The following SNX11 variants were observed in gnomAD, a reference collection of about 807,000 sequenced individuals.
The protein encoded by SNX11 is sorting nexin 11.
In SNX11, 19 loss-of-function variants were observed where a neutral mutation model predicts 30.7. The ratio of observed to expected loss-of-function variants is 0.62; its 90% confidence interval spans 0.43 to 0.91. The LOEUF (loss-of-function observed/expected upper bound fraction) is 0.91, where lower values mean the gene tolerates loss of function less well. Among genes scored for constraint, SNX11 ranks in the 40% least tolerant of loss-of-function variants. SNX11 has a pLI of 0.00. For missense variants in SNX11, 302 were observed against 326.7 expected (o/e 0.92, Z 0.58); for synonymous variants, 112 against 119.0 (o/e 0.94, Z 0.38).
rs199560203 is a variant in SNX11, at chr17:48,112,538, T to A, written c.43-36T>A. ...CTGTGTTGTCAGAGCTGCCTTGCTG[T>A]GTAGCTGAAGCTGAGGGAGCTTTTC... On this transcript the variant is annotated intron_variant, in intron 2 of 6. Coordinates refer to ENST00000359238, the MANE Select transcript of SNX11 (RefSeq NM_013323.3). 2.8e-6 allele frequency: 4 copies of A among 1,433,634 alleles called. No homozygotes were observed. In the African/African-American group the frequency reaches 5.6e-5, roughly 20 times the overall value. The allele number at this position is 1,433,634 out of a possible 1,614,324, so 88.8% of individuals were successfully genotyped here.
At chr17:48,114,742 G>C (rs2063527530) in intron 4 of SNX11, among the ~76,000 whole-genome samples, 1 of 136,848 alleles carries the variant, frequency 7.3e-6, no homozygotes, top group African/African-American at 2.8e-5. Context: ...GGAGTGCAGT[G>C]ACACCCTCCA....
intron 6 of SNX11, among the ~76,000 whole-genome samples, chr17:48,120,201 G>GTTTTTTT (rs61680588): frequency 5.4e-5 from 4 of 74,238 alleles, no homozygotes; most frequent in Non-Finnish European, 9.5e-5. Context: ...GCATTTATCT[G>GTTTTTTT]TTTTTTTTTT....
intron 4 of SNX11, among the ~76,000 whole-genome samples, chr17:48,115,634 A>C (rs1298024247): frequency 6.6e-6 from 1 of 152,068 alleles, no homozygotes; most frequent in Non-Finnish European, 1.5e-5. Flanking sequence ...TTTAATACAG[A>C]GGTCCTTTTC....
Position 48,112,646 on chromosome 17 carries a change from A to T in SNX11, c.115A>T (p.Lys39Ter). 6.2e-7 allele frequency: 1 copy of T among 1,611,330 alleles called. No individual in the cohort carries two copies. The highest frequency in any genetic ancestry group is 8.5e-7 in the Non-Finnish European group (1 of 1,177,686). Residue 39 changes from lysine (K) to a stop codon, truncating the protein, a stop_gained, in exon 3 of 7, where the codon AAG becomes TAG. Coordinates refer to ENST00000359238, the MANE Select transcript of SNX11 (RefSeq NM_013323.3). LOFTEE classifies it high-confidence loss of function. ...EGSWNSYVDY[K>*]IFLHTNSKAF... is the part of the protein sequence containing the mutation. ...CTCCTGGAACTCTTATGTGGATTAT[A>T]AGATATTCCTCCATGTGAGTACATC...
Position 48,119,049 on chromosome 17 carries a change from GAT to G in SNX11, c.404_405del (p.Ile135ArgfsTer14). On this transcript the variant is annotated frameshift_variant, in exon 6 of 7. Coordinates refer to ENST00000359238, the MANE Select transcript of SNX11 (RefSeq NM_013323.3). LOFTEE classifies it high-confidence loss of function. ...TGCAAAGCCAGCTCTCGGTGCCTGAGATAGAAGCCTGTGTCCAGGGCCGAAGT... is the reference window on the plus strand; with the variant it reads ...TGCAAAGCCAGCTCTCGGTGCCTGAGAGAAGCCTGTGTCCAGGGCCGAAGT... ...FLQSQLSVPE[I>X]EACVQGRSTM... 6.2e-7 allele frequency: 1 copy of G among 1,614,150 alleles called. No homozygotes were observed. The highest frequency in any genetic ancestry group is 8.5e-7 in the Non-Finnish European group (1 of 1,180,042).
At chr17:48,109,966 C>T (rs535139249) in intron 1 of SNX11, among the ~76,000 whole-genome samples, 2 of 146,404 alleles carry the variant, frequency 1.4e-5, no homozygotes, top group Non-Finnish European at 3.0e-5. Context: ...ATTTGACAAA[C>T]CTTTTTCAAG....
intron 4 of SNX11, among the ~76,000 whole-genome samples, chr17:48,114,551 G>T (rs1352495274): frequency 1.3e-5 from 2 of 148,982 alleles, no homozygotes; most frequent in African/African-American, 5.0e-5. Context: ...TCCGCCTCCC[G>T]GGTTCAAGCA....
At position 48,121,369 on chromosome 17, in the gene SNX11, C is replaced by T; in HGVS notation, c.674C>T (p.Pro225Leu). 6.2e-7 allele frequency: 1 copy of T among 1,614,176 alleles called. No homozygotes were observed. Among genetic ancestry groups the T allele is most frequent in the Admixed American group, 1.7e-5 (1 of 60,008 alleles). ...TCCTTGGAAAGTCCCACTCTCCCAC[C>T]CCTCTCCTCACCATTATGCTGTGAT... ...VPSLESPTLP[P>L]LSSPLCCDFG... The change falls in exon 7 of 7, where the codon CCC becomes CTC. Residue 225 changes from proline (P) to leucine (L), a missense_variant. Coordinates refer to ENST00000359238, the MANE Select transcript of SNX11 (RefSeq NM_013323.3).
At chr17:48,117,965 T>C (rs2063561972) in intron 4 of SNX11, among the ~76,000 whole-genome samples, 1 of 152,174 alleles carries the variant, frequency 6.6e-6, no homozygotes, top group Admixed American at 6.5e-5. Context: ...CGGCGAGCTA[T>C]GCTCACGTTT....
At chr17:48,111,348 C>A (rs1232822058) in intron 1 of SNX11, among the ~76,000 whole-genome samples, 1 of 152,066 alleles carries the variant, frequency 6.6e-6, no homozygotes, top group African/African-American at 2.4e-5. Context: ...GTTAGGCTCG[C>A]TTTCAAAGCT....
At chr17:48,116,079 G>A (rs961772711) in intron 4 of SNX11, among the ~76,000 whole-genome samples, 4 of 151,990 alleles carry the variant, frequency 2.6e-5, no homozygotes, top group African/African-American at 9.7e-5. Flanking sequence ...CCAAGATGGT[G>A]AAACCCCATC....
chr17:48,112,337 A>G (rs993776674), intron 2 of SNX11: 1 of 626,706 alleles, frequency 1.6e-6, no homozygotes, highest in African/African-American at 1.8e-5. Flanking sequence ...GCAGGCACTT[A>G]CGTCTCTTGT....
At chr17:48,112,256 A>T in intron 2 of SNX11, 171 bp downstream of exon 2, 3 of 722,102 alleles carry the variant, frequency 4.2e-6, no homozygotes, top group Non-Finnish European at 7.4e-6. Flanking sequence ...AGGCATTCCT[A>T]GGAAATTGGG....
intron 1 of SNX11, among the ~76,000 whole-genome samples, chr17:48,108,247 CT>C (rs1186286250): frequency 1.3e-5 from 2 of 152,186 alleles, no homozygotes; most frequent in African/African-American, 4.8e-5. Flanking sequence ...GCCTTTGTTA[CT>C]TACCTTCCAA....
chr17:48,109,662 C>G (rs181976288), intron 1 of SNX11, among the ~76,000 whole-genome samples: 2 of 151,888 alleles, frequency 1.3e-5, no homozygotes, highest in East Asian at 3.9e-4. Context: ...ACTGCAACCT[C>G]CGCCTCCCGG....
At chr17:48,114,598 AG>A (rs535504625) in intron 4 of SNX11, among the ~76,000 whole-genome samples, 65 of 149,502 alleles carry the variant, frequency 4.3e-4, no homozygotes, top group Non-Finnish European at 9.0e-4. Flanking sequence ...CTGGAATTAC[AG>A]GGGGTTACCA....
rs183244574 is a variant in SNX11, at chr17:48,120,802, G to A, written c.540-433G>A. On this transcript the variant is annotated intron_variant, in intron 6 of 6. Coordinates refer to ENST00000359238, the MANE Select transcript of SNX11 (RefSeq NM_013323.3). ...TGGGATTACAGGCGTGAGCCACCAC[G>A]CCCGGCCTCTTTTTTATTTTTTTAA... Among the ~76,000 whole-genome samples the A allele has an allele frequency of 1.8e-3, 275 of 151,544 alleles. 2 individuals are homozygous for A. The highest frequency in any genetic ancestry group is 4.2e-3 in the Admixed American group (64 of 15,208).
chr17:48,108,936 A>G (rs899129719), intron 1 of SNX11, among the ~76,000 whole-genome samples: 9 of 152,088 alleles, frequency 5.9e-5, no homozygotes, highest in Admixed American at 3.3e-4. Flanking sequence ...TCCAGTGTTT[A>G]TTTGTTTGTT....
At chr17:48,115,222 C>T (rs146126974) in intron 4 of SNX11, among the ~76,000 whole-genome samples, 1 of 151,764 alleles carries the variant, frequency 6.6e-6, no homozygotes, top group Non-Finnish European at 1.5e-5. Context: ...CCCCCACGCC[C>T]AGCTAATTTT....
Sources: allele counts gnomAD v4.1 joint callset (sites outside exome capture counted in the v4.1 genomes callset), GRCh38; gene constraint gnomAD v4.1.1; transcripts MANE v1.5; gene names NCBI Gene and HGNC (gene_info 2026-07-23, HGNC 2026-07-21).